The following ADCY9 variants were observed in gnomAD, a reference collection of about 807,000 sequenced individuals.
ADCY9 encodes adenylate cyclase type 9.
Under a neutral mutation model 101.5 loss-of-function variants are expected in ADCY9, and 50 were observed. The observed-to-expected ratio is 0.49, with a 90% CI of 0.39 to 0.62. The LOEUF (loss-of-function observed/expected upper bound fraction) is 0.62. ADCY9 is among the 20% of genes least tolerant of loss of function. The pLI, the probability that ADCY9 is intolerant of heterozygous loss-of-function variation, is 0.00. For missense variants in ADCY9, 1,662 were observed against 1,800.4 expected (o/e 0.92, Z 1.39); for synonymous variants, 905 against 769.3 (o/e 1.18, Z -2.92).
At chr16:4,098,899 ATTT>A (rs57718798) in intron 2 of ADCY9, among the ~76,000 whole-genome samples, 3 of 150,708 alleles carry the variant, frequency 2.0e-5, no homozygotes, top group African/African-American at 7.3e-5. Context: ...TTGGTTTGGG[ATTT>A]TTTTTTATTG....
intron 2 of ADCY9, among the ~76,000 whole-genome samples, chr16:4,022,224 G>A (rs561207859): frequency 1.3e-5 from 2 of 152,164 alleles, no homozygotes; most frequent in Non-Finnish European, 2.9e-5. Flanking sequence ...AGGCATGGTG[G>A]CTCATGCTTG....
chr16:4,114,927 G>T lies in ADCY9; in HGVS notation c.516C>A (p.Tyr172Ter). The T allele has an allele frequency of 6.2e-7, 1 of 1,613,956 alleles. No individual in the cohort carries two copies. The highest frequency in any genetic ancestry group is 1.1e-5 in the South Asian group (1 of 91,086). ...FTFTKLYARH[Y>*]AWTSLALTLL... ...GGGTGAGAGCCAGCGAGGTCCACGC[G>T]TAATGCCGGGCGTACAGCTTGGTGA... The change falls in exon 2 of 11, where the codon TAC becomes TAA. Residue 172 changes from tyrosine to a stop codon, truncating the protein, a stop_gained. Coordinates refer to ENST00000294016, the MANE Select transcript of ADCY9 (RefSeq NM_001116.4). LOFTEE classifies it high-confidence loss of function. The surrounding 1 kb of genome is among the most constrained non-coding windows in gnomAD (Gnocchi z 4.3).
Position 3,988,979 on chromosome 16 carries a change from G to A in ADCY9, c.2310+15C>T. The A allele has an allele frequency of 1.3e-6, 2 of 1,590,888 alleles. No individual in the cohort carries two copies. Among genetic ancestry groups the A allele is most frequent in the Non-Finnish European group, 1.7e-6 (2 of 1,159,120 alleles). On this transcript the variant is annotated intron_variant, in intron 6 of 10. Transcript: ENST00000294016. ...ACACATTCTTTAGTAAAAGCGCAAG[G>A]AGAAATGAACGCACCTCTTCCTGAT...
At chr16:4,083,780 C>T (rs1222958640) in intron 2 of ADCY9, among the ~76,000 whole-genome samples, 1 of 152,164 alleles carries the variant, frequency 6.6e-6, no homozygotes, top group Non-Finnish European at 1.5e-5. Flanking sequence ...GATGTGATTC[C>T]ATTTTTATGA....
downstream of ADCY9, among the ~76,000 whole-genome samples, chr16:3,962,040 A>T (rs75105980): frequency 2.2e-3 from 55 of 24,716 alleles, 1 homozygote; most frequent in East Asian, 0.048. Flanking sequence ...AATAAAAATT[A>T]AAAAAAAAAT....
Position 3,965,587 on chromosome 16 carries a change from G to C in ADCY9, c.*188C>G. 1 of 630,752 alleles carries C rather than the reference G, an allele frequency of 1.6e-6. No homozygotes were observed. The highest frequency in any genetic ancestry group is 2.8e-5 in the East Asian group (1 of 36,298). 39.1% of individuals were successfully genotyped at this position (630,752 alleles called of 1,614,324 possible). A position where few individuals can be genotyped will look rare whatever the true frequency, so the allele number is the denominator to read the frequency against. Reference sequence around the variant, plus strand: ...GGCAGCGGGGTTTCCAGGGAAGGGAGCGAAAGGGAAGAATGGATGAAAATG... The same window carrying C: ...GGCAGCGGGGTTTCCAGGGAAGGGACCGAAAGGGAAGAATGGATGAAAATG... On this transcript the variant is annotated 3_prime_UTR_variant, in exon 11 of 11. Coordinates refer to ENST00000294016, the MANE Select transcript of ADCY9 (RefSeq NM_001116.4).
intron 6 of ADCY9, 54 bp from the exon 7 acceptor site, chr16:3,983,494 G>C: frequency 6.8e-7 from 1 of 1,463,718 alleles, no homozygotes; most frequent in Non-Finnish European, 9.4e-7. Flanking sequence ...GCGGCCAGGA[G>C]CGCAGTTCAG....
At chr16:4,074,915 C>T (rs1236654565) in intron 2 of ADCY9, among the ~76,000 whole-genome samples, 1 of 152,044 alleles carries the variant, frequency 6.6e-6, no homozygotes, top group Non-Finnish European at 1.5e-5. Context: ...TGGCTCACAC[C>T]TGTAATCCCA....
intron 3 of ADCY9, among the ~76,000 whole-genome samples, chr16:3,998,514 T>C (rs1855336356): frequency 6.6e-6 from 1 of 151,290 alleles, no homozygotes; most frequent in South Asian, 2.1e-4. Flanking sequence ...ATTGAGACCA[T>C]CCTGGCCAAG....
intron 2 of ADCY9, among the ~76,000 whole-genome samples, chr16:4,032,578 C>T (rs1340156097): frequency 6.9e-6 from 1 of 144,194 alleles, no homozygotes; most frequent in Non-Finnish European, 1.5e-5. Flanking sequence ...GGTGAGATCT[C>T]GGCTCACTGC....
Position 3,992,438 on chromosome 16 carries a change from C to T in ADCY9, c.1990-75G>A, listed in dbSNP as rs2056252431. 3 of 1,387,122 alleles carry T rather than the reference C, an allele frequency of 2.2e-6. No homozygotes were observed. The highest frequency in any genetic ancestry group is 1.3e-5 in the South Asian group (1 of 78,736). The allele number at this position is 1,387,122 out of a possible 1,614,324, so 85.9% of individuals were successfully genotyped here. ...GCACTGGGCACACACGCCTGTCCCA[C>T]CCCGACCTCCGCTGCGGGGCGCTGC... is the stretch of plus-strand genomic sequence containing the variant. On this transcript the variant is annotated intron_variant, in intron 4 of 10. Transcript: ENST00000294016. This position sits in a 1 kb window ranked among gnomAD's most constrained non-coding sequence, Gnocchi z 4.2.
At chr16:3,975,411 A>C (rs2056085356) in intron 9 of ADCY9, among the ~76,000 whole-genome samples, 1 of 152,148 alleles carries the variant, frequency 6.6e-6, no homozygotes, top group South Asian at 2.1e-4. Flanking sequence ...TTCTTTTCTT[A>C]AGTAAACTGA....
At position 4,115,193 on chromosome 16, in the gene ADCY9, C is replaced by A; in HGVS notation, c.250G>T (p.Glu84Ter). ...TCCCACCAGCGGCTGGAGGCCCTCT[C>A]GAACAGCTGGGGCAGCTTCTTCTGC... is the stretch of plus-strand genomic sequence containing the variant. ...RRQKKLPQLF[E>*]RASSRWWDPK... The change falls in exon 2 of 11, where the codon GAG becomes TAG. Residue 84 changes from glutamate to a stop codon, truncating the protein, a stop_gained. Coordinates refer to ENST00000294016, the MANE Select transcript of ADCY9 (RefSeq NM_001116.4). LOFTEE classifies it high-confidence loss of function. The surrounding 1 kb of genome is among the most constrained non-coding windows in gnomAD (Gnocchi z 6.2). The A allele has an allele frequency of 1.9e-6, 3 of 1,613,696 alleles. No individual in the cohort carries two copies. The highest frequency in any genetic ancestry group is 2.5e-6 in the Non-Finnish European group (3 of 1,179,966).
At chr16:4,052,881 T>G (rs2056710785) in intron 2 of ADCY9, among the ~76,000 whole-genome samples, 1 of 152,218 alleles carries the variant, frequency 6.6e-6, no homozygotes. Flanking sequence ...GACAATGCCT[T>G]AAGTCACACA....
chr16:4,057,038 G>GCCC (rs375745334), intron 2 of ADCY9, among the ~76,000 whole-genome samples: 163 of 83,472 alleles, frequency 2.0e-3, no homozygotes, highest in Non-Finnish European at 2.7e-3. Flanking sequence ...TGATGAAACC[G>GCCC]CCCCCCCCCC....
At chr16:4,113,356 C>T (rs149845030) in intron 2 of ADCY9, among the ~76,000 whole-genome samples, 1 of 152,264 alleles carries the variant, frequency 6.6e-6, no homozygotes, top group Non-Finnish European at 1.5e-5. Context: ...CAGAGAGAAA[C>T]ATTTGGATGG....
chr16:4,053,229 G>C (rs2056713153), intron 2 of ADCY9, among the ~76,000 whole-genome samples: 2 of 152,208 alleles, frequency 1.3e-5, no homozygotes, highest in African/African-American at 2.4e-5. Flanking sequence ...TGAGCCGCAA[G>C]AGACTGTAAA....
intron 3 of ADCY9, among the ~76,000 whole-genome samples, chr16:3,996,759 G>T (rs939009441): frequency 1.6e-4 from 24 of 152,172 alleles, no homozygotes; most frequent in Admixed American, 1.6e-3. Context: ...ACAGCCCTTG[G>T]TATCTATTCT....
In ADCY9 at chr16:3,992,264, G is replaced by C. The variant is rs866821182; in HGVS notation, c.2089C>G (p.Gln697Glu). ...NSQTSLCEILQEKGRWAGVSL... is the reference protein window; with the variant it reads ...NSQTSLCEILEEKGRWAGVSL... ...ACCCCTGCCCACCTTCCCTTCTCCT[G>C]CAAGATCTCACACAGAGAAGTCTGA... The change falls in exon 5 of 11, where the codon CAG (glutamine) becomes GAG (glutamate). Residue 697 changes from glutamine to glutamate, a missense_variant. Physicochemically the swap from Gln to Glu is conservative, Grantham distance 29. Around this residue, in one of 5 missense-constraint regions of ADCY9, gnomAD observed 624 missense variants for 639.1 expected, o/e 0.98. Transcript: ENST00000294016. The surrounding 1 kb of genome is among the most constrained non-coding windows in gnomAD (Gnocchi z 4.2). 6.2e-7 allele frequency: 1 copy of C among 1,614,154 alleles called. No homozygotes were observed. The highest frequency in any genetic ancestry group is 1.7e-5 in the Admixed American group (1 of 60,026).
Sources: allele counts gnomAD v4.1 joint callset (sites outside exome capture counted in the v4.1 genomes callset), GRCh38; gene constraint gnomAD v4.1.1; regional missense constraint gnomAD v4.1.1; non-coding constraint Gnocchi (gnomAD v3.1); transcripts MANE v1.5; gene names NCBI Gene and HGNC (gene_info 2026-07-23, HGNC 2026-07-21).